The following ATP10B variants were observed in gnomAD, a reference collection of about 807,000 sequenced individuals.
ATP10B encodes the protein ATPase phospholipid transporting 10B (putative).
ATP10B carries 122 observed loss-of-function variants against 141.2 expected under a neutral mutation model. The observed-to-expected ratio is 0.86, with a 90% CI of 0.75 to 1.00. The LOEUF (loss-of-function observed/expected upper bound fraction) is 1.00, where lower values mean the gene tolerates loss of function less well. Among genes scored for constraint, ATP10B ranks in the 50% least tolerant of loss-of-function variants. The pLI is 0.00. For missense variants in ATP10B, 1,876 were observed against 1,825.3 expected, an observed-to-expected ratio of 1.03 and a Z score of -0.51; for synonymous variants, 685 against 692.0, an observed-to-expected ratio of 0.99 and a Z score of 0.16.
At chr5:160,891,186 G>A in the ATP10B span, among the ~76,000 whole-genome samples, 2 of 152,158 alleles carry the variant, frequency 1.3e-5, no homozygotes, top group African/African-American at 4.8e-5. Flanking sequence ...CAGTTGCTGA[G>A]GTTTGCTTCT....
At chr5:160,792,422 A>G (rs1561858574) in intron 1 of ATP10B, among the ~76,000 whole-genome samples, 1 of 152,172 alleles carries the variant, frequency 6.6e-6, no homozygotes, top group Non-Finnish European at 1.5e-5. Flanking sequence ...CTTCAGAGTC[A>G]AGTCTCTTTT....
At chr5:160,631,028 C>CA (rs34710883) in intron 13 of ATP10B, among the ~76,000 whole-genome samples, 1 of 151,962 alleles carries the variant, frequency 6.6e-6, no homozygotes. Context: ...ACCATGATTA[C>CA]AAAAAATGTT....
At chr5:160,811,539 G>A (rs1407519006) in intron 1 of ATP10B, among the ~76,000 whole-genome samples, 4 of 152,140 alleles carry the variant, frequency 2.6e-5, no homozygotes, top group Non-Finnish European at 5.9e-5. Flanking sequence ...TGGTAGCCTG[G>A]CAATACTTCC....
intron 6 of ATP10B, 137 bp from the exon 7 acceptor site, chr5:160,670,804 T>C: frequency 1.4e-6 from 1 of 698,018 alleles, no homozygotes; most frequent in Non-Finnish European, 2.4e-6. Context: ...TATTCTACCT[T>C]ACCCCTGAAT....
At chr5:160,882,473 G>T in the ATP10B span, among the ~76,000 whole-genome samples, 9 of 151,856 alleles carry the variant, frequency 5.9e-5, no homozygotes, top group African/African-American at 2.2e-4. Flanking sequence ...GTAGAGATGG[G>T]GTCTGGCCAT....
At chr5:160,689,302 T>C (rs1391043002) in intron 3 of ATP10B, among the ~76,000 whole-genome samples, 1 of 152,194 alleles carries the variant, frequency 6.6e-6, no homozygotes, top group Non-Finnish European at 1.5e-5. Flanking sequence ...AAGCATTCCC[T>C]TTGGAAACCA....
At chr5:160,835,362 T>C (rs1168370384) in intron 1 of ATP10B, among the ~76,000 whole-genome samples, 2 of 152,144 alleles carry the variant, frequency 1.3e-5, no homozygotes, top group African/African-American at 4.8e-5. Context: ...TAGCTTTTGC[T>C]TTCCAGTCAT....
chr5:160,906,416 A>T, the ATP10B span, among the ~76,000 whole-genome samples: 1 of 152,100 alleles, frequency 6.6e-6, no homozygotes, highest in Non-Finnish European at 1.5e-5. Context: ...CTAAGGAGCA[A>T]TTTTCACATT....
chr5:160,642,900 A>G (rs1176819610), intron 9 of ATP10B, among the ~76,000 whole-genome samples: 1 of 152,250 alleles, frequency 6.6e-6, no homozygotes. Context: ...TTAACACTCC[A>G]TATCTGCCAC....
At chr5:160,861,330 G>A in the ATP10B span, among the ~76,000 whole-genome samples, 15 of 151,588 alleles carry the variant, frequency 9.9e-5, no homozygotes, top group Non-Finnish European at 1.8e-4. Flanking sequence ...CTAATTTTTA[G>A]CATATAAAAC....
At chr5:160,589,417 C>A (rs566661294) in intron 24 of ATP10B, among the ~76,000 whole-genome samples, 175 bp downstream of exon 24, 4 of 152,282 alleles carry the variant, frequency 2.6e-5, no homozygotes, top group South Asian at 2.1e-4. Flanking sequence ...CAAGTTGATT[C>A]CAGAATTTTA....
At chr5:160,625,713 A>G (rs1758574626) in intron 13 of ATP10B, among the ~76,000 whole-genome samples, 1 of 152,120 alleles carries the variant, frequency 6.6e-6, no homozygotes. Context: ...TATTTAGTCC[A>G]TTTTCATTTA....
chr5:160,877,383 T>G, the ATP10B span, among the ~76,000 whole-genome samples: 1 of 125,708 alleles, frequency 8.0e-6, no homozygotes, highest in South Asian at 2.9e-4. Context: ...TGGGACATAT[T>G]TCAAAATAAT....
At chr5:160,714,966 G>A (rs1397053442) in intron 3 of ATP10B, among the ~76,000 whole-genome samples, 2 of 113,186 alleles carry the variant, frequency 1.8e-5, no homozygotes, top group Non-Finnish European at 3.9e-5. Flanking sequence ...GAGGCAGTCT[G>A]CCCGTTCTCA....
the ATP10B span, among the ~76,000 whole-genome samples, chr5:160,878,822 A>G: frequency 6.6e-6 from 1 of 151,108 alleles, no homozygotes; most frequent in Admixed American, 6.6e-5. Context: ...AATGCAAATC[A>G]AAACCACAAT....
At chr5:160,685,476 A>C in intron 6 of ATP10B, 1 of 331,498 alleles carries the variant, frequency 3.0e-6, no homozygotes, top group Non-Finnish European at 5.4e-6. Flanking sequence ...TTCCTTTTCC[A>C]CCCTGGGCAG....
chr5:160,860,061 A>G, the ATP10B span, among the ~76,000 whole-genome samples: 2 of 151,908 alleles, frequency 1.3e-5, no homozygotes, highest in Admixed American at 6.6e-5. Flanking sequence ...CAAAGCCATT[A>G]TATTTCCTTT....
In ATP10B at chr5:160,615,890, AT is replaced by A; in HGVS notation, c.2600del (p.Asp867ValfsTer48). The A allele has an allele frequency of 6.2e-7, 1 of 1,612,460 alleles. No individual in the cohort carries two copies. The highest frequency in any genetic ancestry group is 8.5e-7 in the Non-Finnish European group (1 of 1,178,954). ...REAEASLDNR[D>X]ELLMETAQHL... The stretch of plus-strand genomic sequence containing the variant: ...GCTGTGCAGTTTCCATGAGAAGCTC[AT>A]CTCGGTTGTCGAGGGATGCCTCAGC... On this transcript the variant is annotated frameshift_variant, in exon 17 of 26. Coordinates refer to ENST00000327245, the MANE Select transcript of ATP10B (RefSeq NM_025153.3). LOFTEE classifies it high-confidence loss of function.
At chr5:160,687,751 T>C in intron 5 of ATP10B, 49 bp downstream of exon 5, 2 of 1,564,440 alleles carry the variant, frequency 1.3e-6, no homozygotes, top group Non-Finnish European at 1.7e-6. Flanking sequence ...GGGAACAGAA[T>C]GAGACTCTTT....
Sources: gnomAD v4.1 joint callset for allele counts (sites outside exome capture counted in the v4.1 genomes callset) on GRCh38, gnomAD v4.1.1 for gene constraint, MANE v1.5 for transcripts, NCBI Gene and HGNC (gene_info 2026-07-23, HGNC 2026-07-21) for gene names.